The following EYS variants were observed in gnomAD, a reference collection of about 807,000 sequenced individuals.
The protein encoded by EYS is EGF-like photoreceptor maintenance factor, also known as protein eyes shut homolog.
In EYS, 250 loss-of-function variants were observed where a neutral mutation model predicts 282.1. The ratio of observed to expected loss-of-function variants is 0.89; its 90% CI spans 0.80 to 0.98. EYS has a LOEUF of 0.98. Ranked by LOEUF, EYS falls within the 50% of genes least tolerant of loss-of-function variation. EYS has a pLI of 0.00. For missense variants in EYS, 4,016 were observed against 3,709.0 expected (o/e 1.08, Z -2.15); for synonymous variants, 1,355 against 1,282.9 (o/e 1.06, Z -1.20).
At chr6:64,242,056 C>T (rs538380481) in intron 30 of EYS, among the ~76,000 whole-genome samples, 2 of 152,146 alleles carry the variant, frequency 1.3e-5, no homozygotes, top group South Asian at 4.1e-4. Context: ...TGTTCTTTTG[C>T]GTTTGCTGAG....
chr6:64,033,915 G>A (rs1769988369), intron 33 of EYS, among the ~76,000 whole-genome samples: 1 of 151,748 alleles, frequency 6.6e-6, no homozygotes, highest in Non-Finnish European at 1.5e-5. Flanking sequence ...TAAAGAATTT[G>A]GCCTTAACAA....
chr6:64,425,585 C>T (rs1774377154), intron 28 of EYS, among the ~76,000 whole-genome samples: 1 of 140,996 alleles, frequency 7.1e-6, no homozygotes, highest in African/African-American at 2.7e-5. Flanking sequence ...ACCTGGGAGT[C>T]GGAAGTTGCA....
intron 1 of EYS, among the ~76,000 whole-genome samples, chr6:65,670,124 A>AT (rs1562319320): frequency 2.0e-5 from 3 of 152,130 alleles, no homozygotes; most frequent in Admixed American, 6.6e-5. Flanking sequence ...TCATCTTTCA[A>AT]TGGAGGACTT....
At chr6:65,071,926 A>C (rs557178270) in intron 12 of EYS, among the ~76,000 whole-genome samples, 2 of 151,910 alleles carry the variant, frequency 1.3e-5, no homozygotes, top group African/African-American at 2.4e-5. Flanking sequence ...GAGGAATTGC[A>C]TCCCTTTTTG....
Position 64,822,831 on chromosome 6 carries a change from G to A in EYS, c.2993-9C>T. 6.5e-7 allele frequency: 1 copy of A among 1,543,288 alleles called. No individual in the cohort carries two copies. Among genetic ancestry groups the A allele is most frequent in the Non-Finnish European group, 8.8e-7 (1 of 1,142,694 alleles). Reference sequence around the variant, plus strand: ...TATTTCACAGTTGATGCCTGTGTTGGAACAGACAAGGCAAAACATGAAACC... The same window carrying A: ...TATTTCACAGTTGATGCCTGTGTTGAAACAGACAAGGCAAAACATGAAACC... On this transcript the variant is annotated splice_polypyrimidine_tract_variant and intron_variant, in intron 19 of 42. Coordinates refer to ENST00000503581, the MANE Select transcript of EYS (RefSeq NM_001142800.2).
At chr6:65,526,572 G>GA (rs1358941539) in intron 2 of EYS, among the ~76,000 whole-genome samples, 6 of 152,136 alleles carry the variant, frequency 3.9e-5, no homozygotes, top group Non-Finnish European at 5.9e-5. Context: ...TTGGGAGGCC[G>GA]AGGGGGGTGG....
At chr6:64,526,462 C>T (rs1476128845) in intron 26 of EYS, among the ~76,000 whole-genome samples, 1 of 151,594 alleles carries the variant, frequency 6.6e-6, no homozygotes, top group Non-Finnish European at 1.5e-5. Flanking sequence ...CTAATTTATT[C>T]ATTTAAAAAA....
Position 64,127,072 on chromosome 6 carries a change from T to C in EYS, c.6425-45070A>G, listed in dbSNP as rs567272112. On this transcript the variant is annotated intron_variant, in intron 31 of 42. Transcript: ENST00000503581. ...AAAATTAAACTCTGAAAGGCAAATG[T>C]TTATTTGAAATATTTAATCTGTCTT... Among the ~76,000 whole-genome samples the C allele has an allele frequency of 2.6e-5, 4 of 152,266 alleles. No individual in the cohort carries two copies. In the East Asian group the frequency reaches 7.7e-4, roughly 29 times the overall value.
chr6:64,469,753 C>G (rs1298141367), intron 26 of EYS, among the ~76,000 whole-genome samples: 2 of 152,080 alleles, frequency 1.3e-5, no homozygotes, highest in African/African-American at 4.8e-5. Flanking sequence ...TCCTACACCT[C>G]TTGTGGAGGG....
chr6:63,948,231 C>T (rs1184209853), intron 35 of EYS, among the ~76,000 whole-genome samples: 1 of 152,186 alleles, frequency 6.6e-6, no homozygotes, highest in Non-Finnish European at 1.5e-5. Flanking sequence ...TCTGTCCTTT[C>T]TTTGTAGAAG....
chr6:64,942,972 A>C (rs1206596864), intron 15 of EYS, among the ~76,000 whole-genome samples: 2 of 152,088 alleles, frequency 1.3e-5, no homozygotes, highest in African/African-American at 4.8e-5. Context: ...ACCCTCAACA[A>C]AATACTAGGA....
chr6:63,754,499 A>G (rs928255642), intron 41 of EYS, among the ~76,000 whole-genome samples: 4 of 152,160 alleles, frequency 2.6e-5, no homozygotes, highest in African/African-American at 9.7e-5. Flanking sequence ...AGCTTCATCC[A>G]TGTCCCTGCA....
At chr6:63,783,018 G>A (rs1336273444) in intron 39 of EYS, among the ~76,000 whole-genome samples, 2 of 150,650 alleles carry the variant, frequency 1.3e-5, no homozygotes, top group African/African-American at 4.9e-5. Context: ...TCCCATATGG[G>A]CTCTTCTTTG....
chr6:64,251,686 G>C (rs1263955614), intron 30 of EYS, among the ~76,000 whole-genome samples: 1 of 152,032 alleles, frequency 6.6e-6, no homozygotes, highest in Non-Finnish European at 1.5e-5. Flanking sequence ...TGCTGAAATA[G>C]TTTAGTGTGT....
chr6:64,529,034 G>T (rs1173582424), intron 26 of EYS, among the ~76,000 whole-genome samples: 1 of 151,940 alleles, frequency 6.6e-6, no homozygotes, highest in East Asian at 1.9e-4. Context: ...GAATCTATTA[G>T]ATCCTAAAAC....
chr6:64,831,423 T>A lies in EYS; in HGVS notation c.2993-8601A>T, dbSNP rs1161558258. 2.0e-5 allele frequency among the ~76,000 whole-genome samples: 3 copies of A among 151,982 alleles called. No individual in the cohort carries two copies. The East Asian group carries it at 5.8e-4, about 30-fold the overall frequency. On this transcript the variant is annotated intron_variant, in intron 19 of 42. Transcript: ENST00000503581. ...GGAAAGAATTTATTAGAATATTATATCTGTTTTCAGAAGCTCTCCAAGGAA... is the reference window on the plus strand; with the variant it reads ...GGAAAGAATTTATTAGAATATTATAACTGTTTTCAGAAGCTCTCCAAGGAA...
intron 26 of EYS, among the ~76,000 whole-genome samples, chr6:64,580,270 T>G (rs967151806): frequency 1.3e-5 from 2 of 152,118 alleles, no homozygotes; most frequent in African/African-American, 4.8e-5. Flanking sequence ...CAAATACTGC[T>G]GAGGGAAGCT....
At chr6:65,386,774 A>G (rs932541719) in intron 7 of EYS, among the ~76,000 whole-genome samples, 16 of 151,950 alleles carry the variant, frequency 1.1e-4, no homozygotes, top group Non-Finnish European at 2.1e-4. Flanking sequence ...TCAGAGGCCA[A>G]TTGTTTTAAA....
intron 22 of EYS, among the ~76,000 whole-genome samples, chr6:64,688,577 T>A (rs1770247768): frequency 6.6e-6 from 1 of 152,214 alleles, no homozygotes; most frequent in African/African-American, 2.4e-5. Context: ...GATTGCACTG[T>A]GGTCTGAGAG....
Sources: allele counts gnomAD v4.1 joint callset (sites outside exome capture counted in the v4.1 genomes callset), GRCh38; gene constraint gnomAD v4.1.1; transcripts MANE v1.5; gene names NCBI Gene and HGNC (gene_info 2026-07-23, HGNC 2026-07-21).